LVRN: variants seen among roughly 807,000 people sequenced by gnomAD.
LVRN encodes the protein aminopeptidase Q.
In LVRN, 99 loss-of-function variants were observed where a neutral mutation model predicts 111.4. The observed-to-expected ratio is 0.89, with a 90% CI of 0.76 to 1.05. The LOEUF is 1.05. LVRN is among the 50% of genes least tolerant of loss of function. The probability of loss-of-function intolerance (pLI) is 0.00; values close to 1 mark genes in which losing one functional copy is unlikely to be tolerated. For synonymous variants in LVRN, 488 were observed against 449.5 expected, an observed-to-expected ratio of 1.09 and a Z score of -1.08; for missense variants, 1,414 against 1,206.8, an observed-to-expected ratio of 1.17 and a Z score of -2.54.
At chr5:116,004,677 G>T (rs1012260549) in intron 12 of LVRN, among the ~76,000 whole-genome samples, 2 of 152,148 alleles carry the variant, frequency 1.3e-5, no homozygotes, top group East Asian at 3.9e-4. Context: ...TGGGAATGGA[G>T]GTGGAGTCTC....
At chr5:116,021,823 A>G (rs1304580055) in intron 18 of LVRN, 3 of 394,246 alleles carry the variant, frequency 7.6e-6, no homozygotes, top group South Asian at 2.0e-5. Context: ...CTAGATATTC[A>G]GGGACACTAA....
chr5:115,969,099 T>C (rs928636214), intron 1 of LVRN, among the ~76,000 whole-genome samples: 1 of 152,172 alleles, frequency 6.6e-6, no homozygotes, highest in Non-Finnish European at 1.5e-5. Flanking sequence ...CTCCTCTTTC[T>C]CTCCTCTTTC....
At position 116,010,879 on chromosome 5, in the gene LVRN, A is replaced by C. The variant is rs753058710; in HGVS notation, c.2232A>C (p.Ile744=). 2 of 1,582,934 alleles carry C rather than the reference A, an allele frequency of 1.3e-6. No individual in the cohort carries two copies. Among genetic ancestry groups the C allele is most frequent in the Non-Finnish European group, 1.7e-6 (2 of 1,167,978 alleles). Residue 744 remains isoleucine (I), a synonymous_variant, in exon 14 of 20, where the codon ATA becomes ATC. Transcript: ENST00000357872. ...TTTCTGAGGTGAACATCTATGATAT[A>C]TACTCATTATTAAAGGTAATTTCAT... ...DLVSEVNIYD[I]YSLLKRYLLK... is the part of the protein sequence containing the mutation.
intron 15 of LVRN, among the ~76,000 whole-genome samples, chr5:116,013,204 T>C (rs1431962838): frequency 6.6e-6 from 1 of 152,180 alleles, no homozygotes; most frequent in Non-Finnish European, 1.5e-5. Flanking sequence ...ATACAAAGTA[T>C]GATTATTCTG....
chr5:116,014,500 C>G lies in LVRN; in HGVS notation c.2423C>G (p.Ala808Gly), dbSNP rs760013730. The change falls in exon 16 of 20, where the codon GCA (alanine) becomes GGA (glycine). Residue 808 changes from alanine to glycine, a missense_variant. Transcript: ENST00000357872. ...DCLQLSKELF[A>G]KWVDHPENEI... ...CTTCAGCTGTCAAAAGAACTTTTCGCAAAATGGGTGGATCATCCAGAAAAT... is the reference window on the plus strand; with the variant it reads ...CTTCAGCTGTCAAAAGAACTTTTCGGAAAATGGGTGGATCATCCAGAAAAT... The G allele has an allele frequency of 1.9e-6, 3 of 1,613,502 alleles. No individual in the cohort carries two copies. The highest frequency in any genetic ancestry group is 2.5e-6 in the Non-Finnish European group (3 of 1,179,580).
chr5:115,968,774 T>C (rs1032504068), intron 1 of LVRN, among the ~76,000 whole-genome samples: 4 of 152,248 alleles, frequency 2.6e-5, no homozygotes, highest in Admixed American at 2.6e-4. Context: ...TCTATGAAAG[T>C]AATTTTTCAG....
chr5:115,999,371 A>C (rs1057437718), intron 6 of LVRN, among the ~76,000 whole-genome samples: 1 of 152,182 alleles, frequency 6.6e-6, no homozygotes, highest in Non-Finnish European at 1.5e-5. Context: ...GTAAATATTC[A>C]TGAAAGAGAG....
intron 1 of LVRN, among the ~76,000 whole-genome samples, chr5:115,973,067 T>C (rs1238074745): frequency 2.0e-5 from 3 of 152,104 alleles, no homozygotes; most frequent in Non-Finnish European, 2.9e-5. Flanking sequence ...TAGCTGAGAC[T>C]ACAGACACAT....
chr5:115,994,159 T>G (rs1303268525), intron 6 of LVRN, among the ~76,000 whole-genome samples: 1 of 152,178 alleles, frequency 6.6e-6, no homozygotes, highest in East Asian at 1.9e-4. Flanking sequence ...CTACAAATCA[T>G]TAGATCTTTT....
intron 1 of LVRN, among the ~76,000 whole-genome samples, chr5:115,965,529 G>A (rs781279077): frequency 4.3e-4 from 65 of 152,176 alleles, no homozygotes; most frequent in African/African-American, 1.3e-3. Context: ...AAATTTATAC[G>A]TTTTGACGAT....
chr5:115,977,709 G>A (rs1015203690), intron 1 of LVRN, among the ~76,000 whole-genome samples: 12 of 152,176 alleles, frequency 7.9e-5, no homozygotes, highest in Non-Finnish European at 1.8e-4. Context: ...TGGTACCACT[G>A]TGCACTTGCT....
chr5:116,020,904 T>A (rs1748714877), intron 18 of LVRN: 1 of 152,254 alleles, frequency 6.6e-6, no homozygotes, highest in Admixed American at 6.5e-5. Flanking sequence ...ATTACTATAT[T>A]GAGTCGTATT....
In LVRN at chr5:115,999,745, C is replaced by T. The variant is rs368463543; in HGVS notation, c.1375-17C>T. ...GACACCTCAGGAGTTAATGTGCCTC[C>T]ATCTTTTCCTTTATAGAATGAGATC... is the stretch of plus-strand genomic sequence containing the variant. On this transcript the variant is annotated splice_polypyrimidine_tract_variant and intron_variant, in intron 6 of 19. Coordinates refer to ENST00000357872, the MANE Select transcript of LVRN (RefSeq NM_173800.5). 253 of 1,611,852 alleles carry T rather than the reference C, an allele frequency of 1.6e-4. No individual in the cohort carries two copies. The highest frequency in any genetic ancestry group is 1.9e-4 in the Non-Finnish European group (223 of 1,179,166).
At chr5:115,995,649 T>C (rs1215097700) in intron 6 of LVRN, 1 of 152,236 alleles carries the variant, frequency 6.6e-6, no homozygotes, top group Non-Finnish European at 1.5e-5. Context: ...ACAACAATAA[T>C]ACTGTATTTA....
At chr5:116,022,823 A>G (rs1748760354) in intron 19 of LVRN, among the ~76,000 whole-genome samples, 1 of 152,184 alleles carries the variant, frequency 6.6e-6, no homozygotes, top group African/African-American at 2.4e-5. Context: ...ATTTTGAAAT[A>G]TTGTGATTAG....
At chr5:116,013,361 G>C (rs1748530189) in intron 15 of LVRN, among the ~76,000 whole-genome samples, 1 of 152,162 alleles carries the variant, frequency 6.6e-6, no homozygotes, top group South Asian at 2.1e-4. Context: ...GAATGAGTGG[G>C]AAGGCAAAAG....
Position 116,014,102 on chromosome 5 carries a change from T to C in LVRN, c.2343-318T>C, listed in dbSNP as rs184231918. Among the ~76,000 whole-genome samples the C allele has an allele frequency of 2.6e-3, 398 of 152,268 alleles. 1 individual carries two copies. Among genetic ancestry groups the C allele is most frequent in the African/African-American group, 9.1e-3 (379 of 41,558 alleles). The stretch of plus-strand genomic sequence containing the variant: ...CAATTGCAGTAAAAGACAGGAAAAA[T>C]AAATTGACAACAGCTGTGGAGAGTG... On this transcript the variant is annotated intron_variant, in intron 15 of 19. Coordinates refer to ENST00000357872, the MANE Select transcript of LVRN (RefSeq NM_173800.5).
At chr5:116,024,166 G>A (rs1018261790) in intron 19 of LVRN, among the ~76,000 whole-genome samples, 3 of 152,096 alleles carry the variant, frequency 2.0e-5, no homozygotes, top group African/African-American at 7.2e-5. Context: ...TTTCAAAGGG[G>A]TACACAGTGG....
intron 1 of LVRN, 89 bp from the exon 2 acceptor site, chr5:115,983,198 C>T: frequency 3.6e-6 from 5 of 1,395,454 alleles, no homozygotes; most frequent in Admixed American, 2.9e-5. Flanking sequence ...ACACACCAGG[C>T]TAACTTACAA....
Sources: gnomAD v4.1 joint callset for allele counts (sites outside exome capture counted in the v4.1 genomes callset) on GRCh38, gnomAD v4.1.1 for gene constraint, MANE v1.5 for transcripts, NCBI Gene and HGNC (gene_info 2026-07-23, HGNC 2026-07-21) for gene names.